SHB: variants seen among roughly 807,000 people sequenced by gnomAD.
SHB encodes SH2 domain containing adaptor protein B.
A neutral mutation model predicts 52.3 loss-of-function variants in SHB; 20 were observed. The ratio of observed to expected loss-of-function variants is 0.38; its 90% confidence interval spans 0.27 to 0.56. SHB has a LOEUF of 0.56. Ranked by LOEUF, SHB falls within the 20% of genes least tolerant of loss-of-function variation. The pLI, the probability that SHB is intolerant of heterozygous loss-of-function variation, is 0.71. For missense variants in SHB, 825 were observed against 723.3 expected, an observed-to-expected ratio of 1.14 and a Z score of -1.61; for synonymous variants, 397 against 316.5, an observed-to-expected ratio of 1.25 and a Z score of -2.70.
Position 37,918,487 on chromosome 9 carries a change from C to CTGTGTG in SHB, c.*1328_*1333dup, listed in dbSNP as rs35453970. Among the ~76,000 whole-genome samples the CTGTGTG allele has an allele frequency of 9.3e-3, 422 of 45,504 alleles. 12 individuals are homozygous for CTGTGTG. Among genetic ancestry groups the CTGTGTG allele is most frequent in the Admixed American group, 0.054 (228 of 4,254 alleles). The allele number at this position is 45,504 out of a possible 152,430, so 29.9% of individuals were successfully genotyped here. ...TGGAAGCAGTGTGGACCACTGAGGG[C>CTGTGTG]TGTGTGTGTGTGTGTGTGTGTGTGT... On this transcript the variant is annotated 3_prime_UTR_variant, in exon 6 of 6. Transcript: ENST00000377707.
intron 1 of SHB, among the ~76,000 whole-genome samples, chr9:38,030,108 C>T (rs1821395293): frequency 6.6e-6 from 1 of 152,318 alleles, no homozygotes; most frequent in South Asian, 2.1e-4. Flanking sequence ...GAGGGCATGA[C>T]CAGCAGCTGT....
At chr9:38,047,044 G>A (rs1294291843) in intron 1 of SHB, among the ~76,000 whole-genome samples, 1 of 152,194 alleles carries the variant, frequency 6.6e-6, no homozygotes, top group East Asian at 1.9e-4. Context: ...AAGGTTCAAC[G>A]TACCCAAAGT....
chr9:37,936,110 G>A (rs545505098), intron 5 of SHB, among the ~76,000 whole-genome samples: 16 of 152,074 alleles, frequency 1.1e-4, no homozygotes, highest in African/African-American at 3.6e-4. Context: ...CAGCTACTCT[G>A]GAGGCCGAGG....
intron 1 of SHB, among the ~76,000 whole-genome samples, chr9:38,061,286 G>A (rs1261181645): frequency 6.6e-6 from 1 of 151,302 alleles, no homozygotes; most frequent in East Asian, 1.9e-4. Context: ...ACTCCAGTAT[G>A]GGGGACAGGA....
chr9:37,928,837 G>A (rs1387061257), intron 5 of SHB, among the ~76,000 whole-genome samples: 1 of 152,238 alleles, frequency 6.6e-6, no homozygotes, highest in Admixed American at 6.5e-5. Flanking sequence ...TGTTTCCAAG[G>A]ACAGGACCCC....
rs532242943 is a variant in SHB, at chr9:38,016,785, C to T, written c.718-654G>A. ...GAAAGCAACAAACCCAAAGACCCCT[C>T]GACAACACATGGGTAAACTGAGGTC... On this transcript the variant is annotated intron_variant, in intron 1 of 5. Transcript: ENST00000377707. Among the ~76,000 whole-genome samples, 23 of 152,274 alleles carry T rather than the reference C, an allele frequency of 1.5e-4. No individual in the cohort carries two copies. The South Asian group carries it at 4.6e-3, about 30-fold the overall frequency.
chr9:38,002,972 G>C (rs1435698128), intron 2 of SHB, among the ~76,000 whole-genome samples: 1 of 152,190 alleles, frequency 6.6e-6, no homozygotes, highest in Non-Finnish European at 1.5e-5. Flanking sequence ...TTAGTACGGA[G>C]CCTTGGGAAT....
intron 4 of SHB, among the ~76,000 whole-genome samples, chr9:37,954,525 G>T (rs1832606241): frequency 6.6e-6 from 1 of 152,244 alleles, no homozygotes; most frequent in Admixed American, 6.5e-5. Context: ...TGAGGTTGGG[G>T]GCACTCTGAG....
At chr9:38,029,882 G>A (rs577469408) in intron 1 of SHB, among the ~76,000 whole-genome samples, 3 of 152,214 alleles carry the variant, frequency 2.0e-5, no homozygotes, top group Non-Finnish European at 4.4e-5. Context: ...ATAAGTAAAT[G>A]TGTACACATT....
intron 1 of SHB, among the ~76,000 whole-genome samples, chr9:38,062,068 A>G (rs950493971): frequency 6.6e-6 from 1 of 152,250 alleles, no homozygotes; most frequent in African/African-American, 2.4e-5. Context: ...AAGCGGAGAA[A>G]TTACAGCAGA....
intron 1 of SHB, among the ~76,000 whole-genome samples, chr9:38,034,481 TC>T (rs1361371184): frequency 6.6e-6 from 1 of 152,198 alleles, no homozygotes; most frequent in Non-Finnish European, 1.5e-5. Context: ...GCTCACTACC[TC>T]CCCAAATACT....
chr9:38,023,134 G>GGCTGCAGCAGCTGC (rs1821301393), intron 1 of SHB, among the ~76,000 whole-genome samples: 3 of 152,326 alleles, frequency 2.0e-5, no homozygotes, highest in Admixed American at 2.0e-4. Flanking sequence ...GTGGCAGCTG[G>GGCTGCAGCAGCTGC]GCTGCAGCAG....
intron 4 of SHB, among the ~76,000 whole-genome samples, chr9:37,954,829 G>C (rs1832609767): frequency 6.6e-6 from 1 of 152,166 alleles, no homozygotes; most frequent in African/African-American, 2.4e-5. Context: ...GAAGGTTTCA[G>C]AGCAGAGCAG....
intron 4 of SHB, among the ~76,000 whole-genome samples, chr9:37,955,249 A>T (rs1472205368): frequency 6.6e-6 from 1 of 152,230 alleles, no homozygotes; most frequent in Admixed American, 6.5e-5. Context: ...TGCACCCTGT[A>T]GACTCTTTTG....
At position 37,917,853 on chromosome 9, in the gene SHB, G is replaced by A. The variant is rs1028864672; in HGVS notation, c.*1968C>T. Reference sequence around the variant, plus strand: ...TCTATGAGGGCTGGGCCACGTGGACGTGCCAGACAAGGCCTGGGAGGAAGA... The same window carrying A: ...TCTATGAGGGCTGGGCCACGTGGACATGCCAGACAAGGCCTGGGAGGAAGA... On this transcript the variant is annotated 3_prime_UTR_variant, in exon 6 of 6. Transcript: ENST00000377707. 2.0e-5 allele frequency among the ~76,000 whole-genome samples: 3 copies of A among 152,222 alleles called. No individual in the cohort carries two copies. Among genetic ancestry groups the A allele is most frequent in the Non-Finnish European group, 4.4e-5 (3 of 68,030 alleles).
chr9:37,970,819 C>T (rs1339906070), intron 3 of SHB, among the ~76,000 whole-genome samples: 2 of 152,044 alleles, frequency 1.3e-5, no homozygotes, highest in African/African-American at 4.8e-5. Context: ...CTGGGCCCTA[C>T]ATCCCTGTGA....
At chr9:37,983,797 T>C (rs1365727999) in intron 2 of SHB, among the ~76,000 whole-genome samples, 1 of 152,204 alleles carries the variant, frequency 6.6e-6, no homozygotes. Context: ...TGCAGGTAGA[T>C]TAGGCTCAGG....
chr9:38,004,959 C>T (rs1243558355), intron 2 of SHB, among the ~76,000 whole-genome samples: 1 of 152,254 alleles, frequency 6.6e-6, no homozygotes, highest in Non-Finnish European at 1.5e-5. Flanking sequence ...GTGCACACAT[C>T]ATTCCACCAA....
rs150722075 is a variant in SHB, at chr9:37,981,714, C to G, written c.839-6877G>C. On this transcript the variant is annotated intron_variant, in intron 2 of 5. Coordinates refer to ENST00000377707, the MANE Select transcript of SHB (RefSeq NM_003028.3). Reference sequence around the variant, plus strand: ...TTAAAGTGAGAGATGTGTGACTCTCCCTTTCCTTTGAACATGTAGAGGCCA... The same window carrying G: ...TTAAAGTGAGAGATGTGTGACTCTCGCTTTCCTTTGAACATGTAGAGGCCA... 2.8e-3 allele frequency among the ~76,000 whole-genome samples: 431 copies of G among 152,184 alleles called. 1 individual carries two copies. The highest frequency in any genetic ancestry group is 0.027 in the Middle Eastern group (8 of 294).
Sources: allele counts gnomAD v4.1 joint callset (sites outside exome capture counted in the v4.1 genomes callset), GRCh38; gene constraint gnomAD v4.1.1; transcripts MANE v1.5; gene names NCBI Gene and HGNC (gene_info 2026-07-23, HGNC 2026-07-21).